FAM171A1: variants seen among roughly 807,000 people sequenced by gnomAD.
FAM171A1 encodes the protein family with sequence similarity 171 member A1.
Under a neutral mutation model 74.9 loss-of-function variants are expected in FAM171A1, and 23 were observed. The ratio of observed to expected loss-of-function variants is 0.31; its 90% CI spans 0.22 to 0.44. FAM171A1 has a LOEUF of 0.44. Ranked by LOEUF, FAM171A1 falls within the 20% of genes least tolerant of loss-of-function variation. FAM171A1 has a pLI of 1.00. For missense variants in FAM171A1, 1,162 were observed against 1,159.2 expected (o/e 1.00, Z -0.03); for synonymous variants, 527 against 505.7 (o/e 1.04, Z -0.57).
chr10:15,343,110 G>C (rs1835783215), intron 1 of FAM171A1, among the ~76,000 whole-genome samples: 1 of 152,248 alleles, frequency 6.6e-6, no homozygotes, highest in Non-Finnish European at 1.5e-5. Flanking sequence ...ACCAGACCAA[G>C]TGCTTAGAAT....
intron 1 of FAM171A1, among the ~76,000 whole-genome samples, chr10:15,310,204 T>G (rs1434152441): frequency 6.6e-6 from 1 of 152,094 alleles, no homozygotes; most frequent in Non-Finnish European, 1.5e-5. Flanking sequence ...AGGAATTTGG[T>G]GGGTAAGAGG....
At chr10:15,369,924 T>A (rs560455624) in intron 1 of FAM171A1, among the ~76,000 whole-genome samples, 65 of 152,358 alleles carry the variant, frequency 4.3e-4, no homozygotes, top group Middle Eastern at 6.8e-3. Context: ...CGCAGAGACC[T>A]GAGCCCCCGG....
rs79910774 is a variant in FAM171A1 at position 15,313,055 on chromosome 10, G to C, written c.98-28950C>G. Among the ~76,000 whole-genome samples, 66 of 152,218 alleles carry C rather than the reference G, an allele frequency of 4.3e-4. No individual in the cohort carries two copies. The East Asian group carries it at 0.012, about 28-fold the overall frequency. On this transcript the variant is annotated intron_variant, in intron 1 of 7. Transcript: ENST00000378116. Reference sequence around the variant, plus strand: ...TTCTTGATGAAGCAAGCAGACCCCTGATTTCCATTCTGGCCTGGGCTCTGC... The same window carrying C: ...TTCTTGATGAAGCAAGCAGACCCCTCATTTCCATTCTGGCCTGGGCTCTGC...
intron 3 of FAM171A1, among the ~76,000 whole-genome samples, chr10:15,268,189 T>A (rs1834772646): frequency 6.6e-6 from 1 of 151,828 alleles, no homozygotes; most frequent in African/African-American, 2.4e-5. Flanking sequence ...CAGCCCTGAG[T>A]GGAAGGGGTT....
At chr10:15,332,248 G>T (rs1588558514) in intron 1 of FAM171A1, among the ~76,000 whole-genome samples, 7 of 152,168 alleles carry the variant, frequency 4.6e-5, no homozygotes, top group South Asian at 4.2e-4. Context: ...GAGCCACCAC[G>T]CCAGGCCAGG....
At chr10:15,336,467 C>T (rs1835700976) in intron 1 of FAM171A1, among the ~76,000 whole-genome samples, 1 of 152,036 alleles carries the variant, frequency 6.6e-6, no homozygotes, top group Non-Finnish European at 1.5e-5. Context: ...AGCACAAAAC[C>T]ACACACAGTA....
At position 15,371,107 on chromosome 10, in the gene FAM171A1, G is replaced by C; in HGVS notation, c.-55C>G. The C allele has an allele frequency of 1.2e-6, 1 of 834,636 alleles. No individual in the cohort carries two copies. The highest frequency in any genetic ancestry group is 1.4e-6 in the Non-Finnish European group (1 of 695,218). 51.7% of individuals were successfully genotyped at this position (834,636 alleles called of 1,614,324 possible). ...CTCGCCGAGAGCGGGCCGGGCGGCG[G>C]CGCGTCACGGGCGGCCGGGCGCCGC... On this transcript the variant is annotated 5_prime_UTR_variant, in exon 1 of 8. Coordinates refer to ENST00000378116, the MANE Select transcript of FAM171A1 (RefSeq NM_001010924.2).
In FAM171A1 at chr10:15,213,128, C is replaced by T. The variant is rs144306329; in HGVS notation, c.2460G>A (p.Ser820=). 6.8e-6 allele frequency: 11 copies of T among 1,613,958 alleles called. No homozygotes were observed. The highest frequency in any genetic ancestry group is 7.6e-6 in the Non-Finnish European group (9 of 1,179,946). The change falls in exon 8 of 8, where the codon TCG becomes TCA. Residue 820 remains serine (S), a synonymous_variant. Transcript: ENST00000378116. The surrounding 1 kb of genome is among the most constrained non-coding windows in gnomAD (Gnocchi z 6.8). The part of the protein sequence containing the change: ...DSALRCLLEG[S]SRRSGGQLPS... Reference sequence around the variant, plus strand: ...GCAGCTGGCCACCACTTCTCCGACTCGACCCCTCCAACAAGCATCGCAGGG... The same window carrying T: ...GCAGCTGGCCACCACTTCTCCGACTTGACCCCTCCAACAAGCATCGCAGGG...
At chr10:15,216,834 A>G (rs1833973492) in intron 6 of FAM171A1, among the ~76,000 whole-genome samples, 1 of 20,478 alleles carries the variant, frequency 4.9e-5, no homozygotes, top group African/African-American at 2.0e-3. Context: ...ATTGCAGTGA[A>G]AAAAAAAAAA....
chr10:15,242,004 C>CT (rs1472952213), intron 5 of FAM171A1, among the ~76,000 whole-genome samples: 1 of 152,130 alleles, frequency 6.6e-6, no homozygotes, highest in African/African-American at 2.4e-5. Flanking sequence ...TCACAAGTTG[C>CT]TATCTGTGCC....
At chr10:15,278,828 G>T (rs895195686) in intron 2 of FAM171A1, among the ~76,000 whole-genome samples, 1 of 152,134 alleles carries the variant, frequency 6.6e-6, no homozygotes, top group Non-Finnish European at 1.5e-5. Flanking sequence ...GTCACTGTTG[G>T]GAGGAACCCC....
chr10:15,283,663 C>A (rs1009549036), intron 2 of FAM171A1, among the ~76,000 whole-genome samples: 36 of 152,164 alleles, frequency 2.4e-4, no homozygotes, highest in African/African-American at 8.7e-4. Flanking sequence ...TGGCTCACTG[C>A]AGTCTCGAAC....
chr10:15,286,362 C>A (rs893370141), intron 1 of FAM171A1, among the ~76,000 whole-genome samples: 1 of 152,124 alleles, frequency 6.6e-6, no homozygotes, highest in Non-Finnish European at 1.5e-5. Flanking sequence ...CTCACTGTAA[C>A]CTCTGCCTGC....
intron 1 of FAM171A1, among the ~76,000 whole-genome samples, chr10:15,290,250 T>A (rs919669472): frequency 3.4e-5 from 5 of 148,892 alleles, no homozygotes; most frequent in African/African-American, 1.2e-4. Flanking sequence ...AGGGACAGGA[T>A]CCATCCCAGA....
intron 4 of FAM171A1, among the ~76,000 whole-genome samples, chr10:15,253,793 G>T (rs1834540138): frequency 6.6e-6 from 1 of 152,144 alleles, no homozygotes; most frequent in South Asian, 2.1e-4. Flanking sequence ...AAGTGGGGTA[G>T]ACAAGAAAAT....
chr10:15,335,261 C>T (rs542717681), intron 1 of FAM171A1, among the ~76,000 whole-genome samples: 11 of 152,014 alleles, frequency 7.2e-5, no homozygotes, highest in East Asian at 5.8e-4. Context: ...ACAAAACAAA[C>T]GACAAACAAA....
At chr10:15,248,607 T>G in intron 5 of FAM171A1, 32 bp downstream of exon 5, 1 of 1,561,506 alleles carries the variant, frequency 6.4e-7, no homozygotes. Flanking sequence ...AGCCATCTGG[T>G]AGCCGATTGT....
At chr10:15,274,127 TAGAA>T (rs1273440057) in intron 3 of FAM171A1, among the ~76,000 whole-genome samples, 1 of 152,214 alleles carries the variant, frequency 6.6e-6, no homozygotes, top group African/African-American at 2.4e-5. Context: ...ATTGTATACT[TAGAA>T]AACCCCATCG....
At chr10:15,259,700 T>C (rs1430325671) in intron 3 of FAM171A1, among the ~76,000 whole-genome samples, 1 of 152,114 alleles carries the variant, frequency 6.6e-6, no homozygotes, top group Non-Finnish European at 1.5e-5. Context: ...GGAATTATTT[T>C]AATTCTAACT....
Sources: allele counts gnomAD v4.1 joint callset (sites outside exome capture counted in the v4.1 genomes callset), GRCh38; gene constraint gnomAD v4.1.1; non-coding constraint Gnocchi (gnomAD v3.1); transcripts MANE v1.5; gene names NCBI Gene and HGNC (gene_info 2026-07-23, HGNC 2026-07-21).